OPCML: variants seen among roughly 807,000 people sequenced by gnomAD.
OPCML encodes the protein opioid-binding protein/cell adhesion molecule.
A neutral mutation model predicts 37.8 loss-of-function variants in OPCML; 13 were observed. The ratio of observed to expected loss-of-function variants is 0.34; its 90% confidence interval spans 0.22 to 0.55. The LOEUF is 0.55. Among genes scored for constraint, OPCML ranks in the 20% least tolerant of loss-of-function variants. The pLI, the probability that OPCML is intolerant of heterozygous loss-of-function variation, is 0.91. For missense variants in OPCML, 341 were observed against 435.6 expected, an observed-to-expected ratio of 0.78 and a Z score of 1.93; for synonymous variants, 176 against 168.8, an observed-to-expected ratio of 1.04 and a Z score of -0.33.
At position 132,742,478 on chromosome 11, in the gene OPCML, C is replaced by T. The variant is rs534082960; in HGVS notation, c.147-85159G>A. ...CAGGAAGTGGCTCTTCACCAGACAC[C>T]AGATCTGCTGGCACCGTGATCTTGG... On this transcript the variant is annotated intron_variant, in intron 2 of 7. Coordinates refer to ENST00000524381, the MANE Select transcript of OPCML (RefSeq NM_001012393.5). Among the ~76,000 whole-genome samples, 198 of 152,184 alleles carry T rather than the reference C, an allele frequency of 1.3e-3. 1 individual carries two copies. Among genetic ancestry groups the T allele is most frequent in the Non-Finnish European group, 2.3e-3 (155 of 67,996 alleles).
chr11:132,898,536 T>C (rs963308178), intron 2 of OPCML, among the ~76,000 whole-genome samples: 1 of 152,158 alleles, frequency 6.6e-6, no homozygotes, highest in Non-Finnish European at 1.5e-5. Flanking sequence ...CCTTTTGAAG[T>C]TGCAGTTACA....
chr11:132,545,819 A>G (rs1205414357), intron 3 of OPCML, among the ~76,000 whole-genome samples: 3 of 152,270 alleles, frequency 2.0e-5, no homozygotes, highest in Non-Finnish European at 4.4e-5. Context: ...TTATCTAACT[A>G]GTGCCCTATC....
At chr11:132,705,929 T>C (rs1046050219) in intron 2 of OPCML, among the ~76,000 whole-genome samples, 1 of 152,080 alleles carries the variant, frequency 6.6e-6, no homozygotes, top group Admixed American at 6.5e-5. Flanking sequence ...TGTCTTAGCC[T>C]CCTGAGTAGC....
intron 1 of OPCML, among the ~76,000 whole-genome samples, chr11:133,012,415 G>A (rs955991022): frequency 2.0e-5 from 3 of 152,084 alleles, no homozygotes; most frequent in Admixed American, 2.0e-4. Context: ...AACAAAGAGG[G>A]GGAATGTGAA....
chr11:133,244,031 G>A (rs923877788), intron 1 of OPCML, among the ~76,000 whole-genome samples: 3 of 152,146 alleles, frequency 2.0e-5, no homozygotes, highest in African/African-American at 7.2e-5. Context: ...AGGACAGAGG[G>A]GCTCCAGGGG....
intron 2 of OPCML, among the ~76,000 whole-genome samples, chr11:132,875,033 T>C (rs1312100402): frequency 6.6e-6 from 1 of 152,204 alleles, no homozygotes; most frequent in Non-Finnish European, 1.5e-5. Context: ...TCTAAAAATA[T>C]AATCTACGCA....
At chr11:133,444,296 T>A (rs1366639924) in intron 1 of OPCML, among the ~76,000 whole-genome samples, 1 of 152,208 alleles carries the variant, frequency 6.6e-6, no homozygotes, top group Admixed American at 6.5e-5. Context: ...AAAGAGTTAG[T>A]TTCTTACTCT....
chr11:133,024,840 A>G (rs1373799029), intron 1 of OPCML: 1 of 985,312 alleles, frequency 1.0e-6, no homozygotes, highest in African/African-American at 1.7e-5. Context: ...TGGTGAGGGA[A>G]AGGACCTGCT....
rs141952561 is a variant in OPCML at position 133,136,828 on chromosome 11, C to CGTGTGTGTGTGT, written c.62-193830_62-193819dup. Among the ~76,000 whole-genome samples, 45 of 126,366 alleles carry CGTGTGTGTGTGT rather than the reference C, an allele frequency of 3.6e-4. 1 individual carries two copies. Among genetic ancestry groups the CGTGTGTGTGTGT allele is most frequent in the Middle Eastern group, 4.1e-3 (1 of 244 alleles). 82.9% of individuals were successfully genotyped at this position (126,366 alleles called of 152,430 possible). A position where few individuals can be genotyped will look rare whatever the true frequency, so the allele number is the denominator to read the frequency against. Reference sequence around the variant, plus strand: ...AATACCACTGCAGTTTCTATGTGCACGTGTGTGTGTGTGTGTGTGTGTGTG... The same window carrying CGTGTGTGTGTGT: ...AATACCACTGCAGTTTCTATGTGCACGTGTGTGTGTGTGTGTGTGTGTGTGTGTGTGTGTGTG... On this transcript the variant is annotated intron_variant, in intron 1 of 7. Transcript: ENST00000524381.
intron 2 of OPCML, among the ~76,000 whole-genome samples, chr11:132,820,014 T>G (rs1366212073): frequency 1.3e-5 from 2 of 152,064 alleles, no homozygotes. Context: ...GCATCTTCAC[T>G]CTGGAAACGT....
At chr11:132,714,663 T>C (rs1944401089) in intron 2 of OPCML, among the ~76,000 whole-genome samples, 1 of 152,198 alleles carries the variant, frequency 6.6e-6, no homozygotes, top group African/African-American at 2.4e-5. Context: ...CCGAGAGCAC[T>C]GGCTTATCGA....
At chr11:133,170,328 T>C (rs1182998291) in intron 1 of OPCML, among the ~76,000 whole-genome samples, 1 of 151,854 alleles carries the variant, frequency 6.6e-6, no homozygotes, top group Non-Finnish European at 1.5e-5. Context: ...TACAAAAAAA[T>C]ACAAAAACTT....
At chr11:132,905,408 T>C (rs1448991970) in intron 2 of OPCML, among the ~76,000 whole-genome samples, 2 of 151,924 alleles carry the variant, frequency 1.3e-5, no homozygotes, top group African/African-American at 4.8e-5. Context: ...ATTTTTTGTA[T>C]TTTTGGTAGA....
intron 1 of OPCML, among the ~76,000 whole-genome samples, chr11:133,394,043 T>A (rs1044338110): frequency 1.3e-5 from 2 of 152,194 alleles, no homozygotes; most frequent in African/African-American, 4.8e-5. Context: ...TTAGTACAAC[T>A]CACCAGCCCC....
chr11:132,902,573 T>C (rs1487552415), intron 2 of OPCML, among the ~76,000 whole-genome samples: 1 of 152,044 alleles, frequency 6.6e-6, no homozygotes, highest in Non-Finnish European at 1.5e-5. Flanking sequence ...ATTCAGATAT[T>C]TTACTGGGCT....
At chr11:133,039,796 A>T (rs1947852903) in intron 1 of OPCML, among the ~76,000 whole-genome samples, 1 of 152,110 alleles carries the variant, frequency 6.6e-6, no homozygotes, top group Non-Finnish European at 1.5e-5. Flanking sequence ...TTGGGAGGCC[A>T]AGGCGGGCAC....
chr11:133,215,816 T>C (rs1197556505), intron 1 of OPCML, among the ~76,000 whole-genome samples: 2 of 152,180 alleles, frequency 1.3e-5, no homozygotes, highest in African/African-American at 2.4e-5. Flanking sequence ...AGACCCGCTG[T>C]TCTGGGTGGC....
chr11:132,831,707 A>G (rs1298623118), intron 2 of OPCML, among the ~76,000 whole-genome samples: 2 of 135,968 alleles, frequency 1.5e-5, no homozygotes, highest in Admixed American at 1.5e-4. Context: ...GCATCCCCCA[A>G]CACAACTCTT....
chr11:133,192,240 T>C (rs1938354022), intron 1 of OPCML, among the ~76,000 whole-genome samples: 1 of 152,200 alleles, frequency 6.6e-6, no homozygotes, highest in African/African-American at 2.4e-5. Flanking sequence ...GAGTCAATAA[T>C]ACTAATATCT....
Sources: gnomAD v4.1 joint callset for allele counts (sites outside exome capture counted in the v4.1 genomes callset) on GRCh38, gnomAD v4.1.1 for gene constraint, MANE v1.5 for transcripts, NCBI Gene and HGNC (gene_info 2026-07-23, HGNC 2026-07-21) for gene names.